Variants in CEP170 observed in about 807,000 individuals in gnomAD.
The protein encoded by CEP170 is centrosomal protein of 170 kDa.
Under a neutral mutation model 151.9 loss-of-function variants are expected in CEP170, and 21 were observed. The ratio of observed to expected loss-of-function variants is 0.14; its 90% CI spans 0.10 to 0.20. The LOEUF is 0.20. Among genes scored for constraint, CEP170 ranks in the 10% least tolerant of loss-of-function variants. The pLI is 1.00. For synonymous variants in CEP170, 356 were observed against 648.8 expected (o/e 0.55, Z 6.86); for missense variants, 964 against 1,892.9 (o/e 0.51, Z 9.11).
At chr1:243,209,023 C>G (rs1330539573) in intron 4 of CEP170, among the ~76,000 whole-genome samples, 2 of 152,106 alleles carry the variant, frequency 1.3e-5, no homozygotes, top group Non-Finnish European at 2.9e-5. Flanking sequence ...TTTTAGTACT[C>G]CTTATGAGTT....
chr1:243,183,850 G>A (rs1180806338), intron 10 of CEP170, among the ~76,000 whole-genome samples: 1 of 152,168 alleles, frequency 6.6e-6, no homozygotes, highest in African/African-American at 2.4e-5. Context: ...AATGGACTCT[G>A]AGAATAAAAA....
rs2148802747 is a variant in CEP170, at chr1:243,195,959, C to T, written c.631+3101G>A. ...GCACTTTAAGGAATTTGACACAAGACATAAATCACTGAATTATTACTCAAA... is the reference window on the plus strand; with the variant it reads ...GCACTTTAAGGAATTTGACACAAGATATAAATCACTGAATTATTACTCAAA... On this transcript the variant is annotated intron_variant, in intron 7 of 19. Transcript: ENST00000366542. Among the ~76,000 whole-genome samples, 3 of 152,048 alleles carry T rather than the reference C, an allele frequency of 2.0e-5. 1 individual carries two copies. Among genetic ancestry groups the T allele is most frequent in the Middle Eastern group, 6.8e-3 (2 of 294 alleles).
In CEP170 at chr1:243,209,270, C is replaced by T. The variant is rs141930872; in HGVS notation, c.274+2616G>A. Among the ~76,000 whole-genome samples, 1,053 of 152,128 alleles carry T rather than the reference C, an allele frequency of 6.9e-3. 11 individuals carry two copies. The highest frequency in any genetic ancestry group is 0.024 in the African/African-American group (1,013 of 41,504). ...CACGATCTTGGCTCACTGCAACCTC[C>T]GCCTCCCAGGTTCAAACAATTCTCC... On this transcript the variant is annotated intron_variant, in intron 4 of 19. Transcript: ENST00000366542.
intron 12 of CEP170, chr1:243,168,533 A>G (rs899496484): frequency 6.6e-6 from 1 of 151,994 alleles, no homozygotes; most frequent in Admixed American, 6.6e-5. Context: ...AAATAATTAA[A>G]TCAAGCTACT....
chr1:243,222,816 G>C (rs890535822), intron 2 of CEP170, among the ~76,000 whole-genome samples: 3 of 152,132 alleles, frequency 2.0e-5, no homozygotes, highest in African/African-American at 7.2e-5. Flanking sequence ...GAAAAGTAGA[G>C]AGACAAGCAA....
intron 2 of CEP170, among the ~76,000 whole-genome samples, chr1:243,223,349 T>C (rs2062972455): frequency 6.6e-6 from 1 of 152,134 alleles, no homozygotes; most frequent in Admixed American, 6.5e-5. Context: ...CAAAGTGAAA[T>C]GTTACCATTA....
At chr1:243,213,656 G>C (rs987682738) in intron 3 of CEP170, among the ~76,000 whole-genome samples, 2 of 152,144 alleles carry the variant, frequency 1.3e-5, no homozygotes, top group African/African-American at 4.8e-5. Context: ...CATTCAGTAA[G>C]AATCACGTAG....
intron 8 of CEP170, among the ~76,000 whole-genome samples, chr1:243,187,621 C>G (rs1020604073): frequency 2.6e-5 from 4 of 152,078 alleles, no homozygotes; most frequent in African/African-American, 9.7e-5. Context: ...TGGTACCAAA[C>G]AAAATAATGA....
chr1:243,246,746 T>C (rs1053704622), intron 1 of CEP170, among the ~76,000 whole-genome samples: 15 of 152,138 alleles, frequency 9.9e-5, no homozygotes, highest in African/African-American at 3.1e-4. Context: ...GTAGAAAATC[T>C]TGTTTTCTAA....
intron 3 of CEP170, among the ~76,000 whole-genome samples, chr1:243,221,293 G>A (rs991889596): frequency 5.3e-5 from 8 of 152,204 alleles, no homozygotes; most frequent in South Asian, 4.1e-4. Flanking sequence ...AAAGGGCTGG[G>A]ATGACAGGCG....
chr1:243,191,937 T>C (rs2148771354), intron 7 of CEP170, among the ~76,000 whole-genome samples: 1 of 152,236 alleles, frequency 6.6e-6, no homozygotes, highest in East Asian at 1.9e-4. Flanking sequence ...TATGAACACA[T>C]GTAGTGCTCC....
At chr1:243,237,134 C>T (rs1166107844) in intron 1 of CEP170, among the ~76,000 whole-genome samples, 1 of 152,196 alleles carries the variant, frequency 6.6e-6, no homozygotes, top group Non-Finnish European at 1.5e-5. Context: ...GAATATATCA[C>T]TAACACACTT....
At chr1:243,147,984 T>C (rs1439913622) in intron 14 of CEP170, among the ~76,000 whole-genome samples, 2 of 151,984 alleles carry the variant, frequency 1.3e-5, no homozygotes, top group African/African-American at 4.8e-5. Context: ...AGTTCAAGAA[T>C]AGTCTGGCCA....
At chr1:243,237,759 G>T (rs1416808109) in intron 1 of CEP170, among the ~76,000 whole-genome samples, 1 of 152,088 alleles carries the variant, frequency 6.6e-6, no homozygotes, top group Admixed American at 6.5e-5. Flanking sequence ...TAAAAAATTA[G>T]CTGGGCCTTG....
chr1:243,251,614 A>G (rs1180169950), intron 1 of CEP170, among the ~76,000 whole-genome samples: 1 of 152,184 alleles, frequency 6.6e-6, no homozygotes, highest in East Asian at 1.9e-4. Flanking sequence ...CAACGATTCA[A>G]TAAATATTGT....
At chr1:243,147,524 A>G (rs909301768) in intron 14 of CEP170, among the ~76,000 whole-genome samples, 2 of 152,200 alleles carry the variant, frequency 1.3e-5, no homozygotes, top group Non-Finnish European at 1.5e-5. Flanking sequence ...TGTGATTCAC[A>G]TGAGTTCTGT....
intron 4 of CEP170, among the ~76,000 whole-genome samples, chr1:243,209,711 G>A (rs1398337385): frequency 6.6e-6 from 1 of 151,400 alleles, no homozygotes; most frequent in African/African-American, 2.4e-5. Context: ...ACGGAGTCTG[G>A]CTCTGTTGCC....
At chr1:243,158,318 T>C (rs1207529690) in intron 13 of CEP170, among the ~76,000 whole-genome samples, 3 of 152,236 alleles carry the variant, frequency 2.0e-5, no homozygotes, top group Non-Finnish European at 1.5e-5. Flanking sequence ...AAATCATTTG[T>C]TACATCAAAT....
chr1:243,164,013 C>T (rs894463129), intron 13 of CEP170, among the ~76,000 whole-genome samples: 1 of 152,122 alleles, frequency 6.6e-6, no homozygotes, highest in African/African-American at 2.4e-5. Context: ...ATTAAAACTC[C>T]TAAATCAGCT....
Sources: gnomAD v4.1 joint callset for allele counts (sites outside exome capture counted in the v4.1 genomes callset) on GRCh38, gnomAD v4.1.1 for gene constraint, MANE v1.5 for transcripts, NCBI Gene and HGNC (gene_info 2026-07-23, HGNC 2026-07-21) for gene names.